CCDC192: variants seen among roughly 807,000 people sequenced by gnomAD.
CCDC192 encodes coiled-coil domain-containing protein 192.
intron 6 of CCDC192, among the ~76,000 whole-genome samples, chr5:127,906,661 C>T (rs965002216): frequency 2.0e-5 from 3 of 152,118 alleles, no homozygotes; most frequent in Non-Finnish European, 4.4e-5. Flanking sequence ...TGGCACATGT[C>T]TGTGGTCCCA....
At chr5:127,738,069 C>G (rs1457986641) in intron 2 of CCDC192, among the ~76,000 whole-genome samples, 2 of 151,982 alleles carry the variant, frequency 1.3e-5, no homozygotes, top group Non-Finnish European at 2.9e-5. Context: ...CAGCTGGTAC[C>G]AGTTGTTCCT....
At position 127,846,681 on chromosome 5, in the gene CCDC192, G is replaced by T. The variant is rs143587992; in HGVS notation, c.412-28857G>T. 4.6e-3 allele frequency among the ~76,000 whole-genome samples: 702 copies of T among 151,980 alleles called. 4 individuals carry two copies. The highest frequency in any genetic ancestry group is 7.2e-3 in the Non-Finnish European group (489 of 67,980). The stretch of plus-strand genomic sequence containing the variant: ...AACAGGGTTTCATCATGTTGGCCAG[G>T]CTAGTCTCGAACTCCTGGCCTCAAG... On this transcript the variant is annotated intron_variant, in intron 5 of 6. Transcript: ENST00000514853.
intron 3 of CCDC192, among the ~76,000 whole-genome samples, chr5:127,771,348 A>G (rs975856333): frequency 6.6e-6 from 1 of 152,242 alleles, no homozygotes; most frequent in Non-Finnish European, 1.5e-5. Flanking sequence ...ATATAAGCCA[A>G]TAATTTTTAT....
rs74837980 is a variant in CCDC192 at position 127,871,702 on chromosome 5, C to T, written c.412-3836C>T. Among the ~76,000 whole-genome samples the T allele has an allele frequency of 1.8e-3, 275 of 152,312 alleles. 1 individual carries two copies. Among genetic ancestry groups the T allele is most frequent in the African/African-American group, 6.1e-3 (253 of 41,570 alleles). On this transcript the variant is annotated intron_variant, in intron 5 of 6. Coordinates refer to ENST00000514853, the MANE Select transcript of CCDC192 (RefSeq NM_001317938.2). ...AACAGTGCTGGCAACTTTGTGTTGA[C>T]GCTCTTCTATGAATAGCTCCCTGGT...
Position 127,897,364 on chromosome 5 carries a change from T to G in CCDC192, c.535+21703T>G, listed in dbSNP as rs1458162025. Reference sequence around the variant, plus strand: ...GGATATGATGTCTGTCCACAATTAATTCATACTGAAACACTGCAAAAGTAG... The same window carrying G: ...GGATATGATGTCTGTCCACAATTAAGTCATACTGAAACACTGCAAAAGTAG... On this transcript the variant is annotated intron_variant, in intron 6 of 6. Coordinates refer to ENST00000514853, the MANE Select transcript of CCDC192 (RefSeq NM_001317938.2). Among the ~76,000 whole-genome samples, 3 of 151,974 alleles carry G rather than the reference T, an allele frequency of 2.0e-5. No individual in the cohort carries two copies. In the East Asian group the frequency reaches 5.8e-4, roughly 30 times the overall value.
chr5:127,702,385 T>G (rs114276383), upstream of CCDC192, among the ~76,000 whole-genome samples: 1 of 152,238 alleles, frequency 6.6e-6, no homozygotes, highest in East Asian at 1.9e-4. Context: ...ACTACCCATT[T>G]AGTGTTGGCT....
intron 6 of CCDC192, among the ~76,000 whole-genome samples, chr5:127,883,177 G>T (rs1752423225): frequency 6.6e-6 from 1 of 152,192 alleles, no homozygotes; most frequent in South Asian, 2.1e-4. Flanking sequence ...TGCCTTGACA[G>T]AAAATGACAA....
chr5:127,782,909 G>C (rs957351778), intron 3 of CCDC192, among the ~76,000 whole-genome samples: 3 of 151,276 alleles, frequency 2.0e-5, no homozygotes, highest in African/African-American at 7.3e-5. Context: ...TAGATTGTCA[G>C]TTTGTGCTCT....
At chr5:127,883,010 G>A (rs188809688) in intron 6 of CCDC192, among the ~76,000 whole-genome samples, 1 of 152,302 alleles carries the variant, frequency 6.6e-6, no homozygotes, top group East Asian at 1.9e-4. Context: ...AAAGTAACTA[G>A]TCTGGTCTTG....
intron 6 of CCDC192, among the ~76,000 whole-genome samples, chr5:127,878,550 G>A (rs1342840531): frequency 2.0e-5 from 3 of 152,194 alleles, no homozygotes; most frequent in Admixed American, 6.5e-5. Context: ...CAGCTACTTG[G>A]GAGGCTGAGG....
At chr5:127,751,455 T>G (rs967150576) in intron 2 of CCDC192, among the ~76,000 whole-genome samples, 2 of 152,162 alleles carry the variant, frequency 1.3e-5, no homozygotes, top group Non-Finnish European at 2.9e-5. Flanking sequence ...CACTCTCTTC[T>G]GGCTTGTAGG....
chr5:127,928,278 T>C (rs946281625), intron 6 of CCDC192, among the ~76,000 whole-genome samples: 1 of 152,230 alleles, frequency 6.6e-6, no homozygotes, highest in African/African-American at 2.4e-5. Flanking sequence ...GTCACCTGAC[T>C]AAAATCAAGG....
At chr5:127,717,492 T>C (rs1292358527) in intron 2 of CCDC192, among the ~76,000 whole-genome samples, 1 of 152,032 alleles carries the variant, frequency 6.6e-6, no homozygotes, top group Non-Finnish European at 1.5e-5. Flanking sequence ...ATCCTTGTAA[T>C]TGGGATTTTT....
At chr5:127,790,626 G>A (rs1756816427) in intron 3 of CCDC192, among the ~76,000 whole-genome samples, 1 of 151,874 alleles carries the variant, frequency 6.6e-6, no homozygotes, top group Admixed American at 6.6e-5. Flanking sequence ...TTTCTTCCCA[G>A]CCTCTGGTAA....
At chr5:127,745,225 AAG>A (rs1438614153) in intron 2 of CCDC192, among the ~76,000 whole-genome samples, 1 of 152,226 alleles carries the variant, frequency 6.6e-6, no homozygotes, top group Non-Finnish European at 1.5e-5. Context: ...TTAAGGGTCA[AAG>A]AGTTTGTACA....
At chr5:127,800,402 C>CAAAAA (rs772597286) in intron 5 of CCDC192, among the ~76,000 whole-genome samples, 10 of 88,322 alleles carry the variant, frequency 1.1e-4, no homozygotes, top group East Asian at 9.2e-4. Context: ...AAAAAAAAAA[C>CAAAAA]AACAACAACA....
chr5:127,724,215 T>A (rs893558442), intron 2 of CCDC192, among the ~76,000 whole-genome samples: 10 of 152,208 alleles, frequency 6.6e-5, no homozygotes, highest in Non-Finnish European at 1.3e-4. Context: ...TATTACAATA[T>A]AATATCCTTC....
chr5:127,854,572 C>A (rs1561524574), intron 5 of CCDC192, among the ~76,000 whole-genome samples: 1 of 152,128 alleles, frequency 6.6e-6, no homozygotes, highest in Non-Finnish European at 1.5e-5. Flanking sequence ...CAGTTTCAGG[C>A]ATCCACTGGG....
intron 6 of CCDC192, among the ~76,000 whole-genome samples, chr5:127,929,308 A>T (rs1343073174): frequency 6.6e-6 from 1 of 152,234 alleles, no homozygotes; most frequent in Non-Finnish European, 1.5e-5. Flanking sequence ...CACTGACTTC[A>T]GACCTAGCAC....
Sources: gnomAD v4.1 joint callset for allele counts (sites outside exome capture counted in the v4.1 genomes callset) on GRCh38, gnomAD v4.1.1 for gene constraint, MANE v1.5 for transcripts, NCBI Gene and HGNC (gene_info 2026-07-23, HGNC 2026-07-21) for gene names.